Variants in KCNMA1 observed in about 807,000 individuals in gnomAD.
KCNMA1 encodes the protein potassium calcium-activated channel subfamily M alpha 1.
In KCNMA1, 29 loss-of-function variants were observed where a neutral mutation model predicts 140.0. The observed-to-expected ratio is 0.21, with a 90% CI of 0.15 to 0.28. The LOEUF (loss-of-function observed/expected upper bound fraction) is 0.28. Ranked by LOEUF, KCNMA1 falls within the 10% of genes least tolerant of loss-of-function variation. KCNMA1 has a pLI of 1.00. For synonymous variants in KCNMA1, 612 were observed against 611.9 expected (o/e 1.00, Z 0.00); for missense variants, 880 against 1,602.2 (o/e 0.55, Z 7.70).
At position 77,106,571 on chromosome 10, in the gene KCNMA1, G is replaced by A. The variant is rs368879032; in HGVS notation, c.1223+1910C>T. Among the ~76,000 whole-genome samples the A allele has an allele frequency of 3.3e-5, 5 of 152,012 alleles. No homozygotes were observed. The East Asian group carries it at 9.7e-4, about 29-fold the overall frequency. On this transcript the variant is annotated intron_variant, in intron 9 of 27. Transcript: ENST00000286628. The stretch of plus-strand genomic sequence containing the variant: ...AAAAATCACCTGGAATGAAAGTCAA[G>A]AAATATTTTCAACTTAGCCTTCAGG...
At chr10:77,531,679 C>T (rs2057666292) in intron 1 of KCNMA1, among the ~76,000 whole-genome samples, 1 of 152,228 alleles carries the variant, frequency 6.6e-6, no homozygotes, top group Non-Finnish European at 1.5e-5. Flanking sequence ...CACAGAAACA[C>T]CCGGCCCTTC....
chr10:76,953,250 T>A (rs544827381), intron 21 of KCNMA1, among the ~76,000 whole-genome samples: 121 of 152,358 alleles, frequency 7.9e-4, no homozygotes, highest in African/African-American at 2.9e-3. Flanking sequence ...AAGGCTATTA[T>A]CTATAAGAAT....
At chr10:76,887,840 G>A in intron 27 of KCNMA1, 1 of 365,074 alleles carries the variant, frequency 2.7e-6, no homozygotes, top group Non-Finnish European at 5.2e-6. Context: ...CCAACCGCAA[G>A]AGGTTTCATG....
At chr10:77,259,431 CATGTAAATCGG>C (rs892935508) in intron 2 of KCNMA1, among the ~76,000 whole-genome samples, 5 of 151,030 alleles carry the variant, frequency 3.3e-5, no homozygotes, top group Admixed American at 2.6e-4. Context: ...TTAGGACACA[CATGTAAATCGG>C]AGAGAATCCC....
rs2154201000 is a variant in KCNMA1, at chr10:77,229,870, T to C, written c.602+21325A>G. Among the ~76,000 whole-genome samples the C allele has an allele frequency of 2.6e-5, 4 of 152,290 alleles. No homozygotes were observed. In the South Asian group the frequency reaches 8.3e-4, roughly 32 times the overall value. Reference sequence around the variant, plus strand: ...TGGAAATGTAAAATGGTACAGCCATTGTGGAAAATAGTTTAGTGATTCATC... The same window carrying C: ...TGGAAATGTAAAATGGTACAGCCATCGTGGAAAATAGTTTAGTGATTCATC... On this transcript the variant is annotated intron_variant, in intron 3 of 27. Coordinates refer to ENST00000286628, the MANE Select transcript of KCNMA1 (RefSeq NM_001161352.2).
chr10:77,418,603 G>A (rs907989022), intron 1 of KCNMA1, among the ~76,000 whole-genome samples: 2 of 152,138 alleles, frequency 1.3e-5, no homozygotes, highest in Non-Finnish European at 2.9e-5. Context: ...ACCTCAGTGA[G>A]GAGGATACCC....
At position 77,313,189 on chromosome 10, in the gene KCNMA1, A is replaced by G. The variant is rs2079810091; in HGVS notation, c.541-61933T>C. Among the ~76,000 whole-genome samples, 3 of 152,156 alleles carry G rather than the reference A, an allele frequency of 2.0e-5. 1 individual carries two copies. The highest frequency in any genetic ancestry group is 2.0e-4 in the Admixed American group (3 of 15,278). The stretch of plus-strand genomic sequence containing the variant: ...AGTTCATTTCTGTGCTTGAATCAGG[A>G]GCTTCCTTAAACGCTAGCATAAAGC... On this transcript the variant is annotated intron_variant, in intron 2 of 27. Transcript: ENST00000286628.
intron 2 of KCNMA1, among the ~76,000 whole-genome samples, chr10:77,323,602 C>A (rs982459565): frequency 1.3e-5 from 2 of 152,180 alleles, no homozygotes; most frequent in Non-Finnish European, 2.9e-5. Flanking sequence ...TCACCACATA[C>A]CTATTGAGCT....
chr10:77,589,837 A>G (rs1567731175), intron 1 of KCNMA1, among the ~76,000 whole-genome samples: 1 of 152,090 alleles, frequency 6.6e-6, no homozygotes, highest in South Asian at 2.1e-4. Context: ...GGAAAGAACA[A>G]AGCTTCCACA....
chr10:76,930,740 G>A (rs2059060744), intron 23 of KCNMA1, among the ~76,000 whole-genome samples: 1 of 151,964 alleles, frequency 6.6e-6, no homozygotes, highest in South Asian at 2.1e-4. Context: ...TGACAGATGA[G>A]TAGATAAAGA....
intron 18 of KCNMA1, among the ~76,000 whole-genome samples, chr10:77,002,165 T>C: frequency 6.6e-6 from 1 of 152,200 alleles, no homozygotes; most frequent in East Asian, 1.9e-4. Flanking sequence ...TTGCTGAACT[T>C]CCCGAGAGTG....
At chr10:77,086,903 C>T (rs982024997) in intron 10 of KCNMA1, among the ~76,000 whole-genome samples, 2 of 152,200 alleles carry the variant, frequency 1.3e-5, no homozygotes, top group Admixed American at 6.5e-5. Flanking sequence ...AGCTGGGCTG[C>T]GCCACTAGTG....
chr10:77,261,641 G>A (rs2062028436), intron 2 of KCNMA1, among the ~76,000 whole-genome samples: 1 of 152,158 alleles, frequency 6.6e-6, no homozygotes, highest in South Asian at 2.1e-4. Context: ...CCTAAAACCT[G>A]TGTCCTTCCT....
At chr10:76,894,642 C>A (rs1371597537) in intron 25 of KCNMA1, among the ~76,000 whole-genome samples, 1 of 152,048 alleles carries the variant, frequency 6.6e-6, no homozygotes. Context: ...AAAAAGACAA[C>A]CCAATTTTTT....
At chr10:77,347,129 T>C (rs372505706) in intron 2 of KCNMA1, among the ~76,000 whole-genome samples, 86 of 152,274 alleles carry the variant, frequency 5.6e-4, no homozygotes, top group African/African-American at 2.0e-3. Flanking sequence ...TATCCTGATG[T>C]GTTGTGAGGA....
intron 23 of KCNMA1, among the ~76,000 whole-genome samples, chr10:76,918,981 A>G (rs1026773341): frequency 6.6e-5 from 10 of 152,104 alleles, no homozygotes; most frequent in African/African-American, 2.4e-4. Flanking sequence ...ACAGCCATAC[A>G]AAGGAATTAA....
intron 2 of KCNMA1, among the ~76,000 whole-genome samples, chr10:77,320,571 C>T (rs2154354218): frequency 6.6e-6 from 1 of 152,234 alleles, no homozygotes; most frequent in Middle Eastern, 3.4e-3. Context: ...TCCACTCCTG[C>T]CCTCCTTTCA....
chr10:77,506,441 C>T (rs556886692), intron 1 of KCNMA1, among the ~76,000 whole-genome samples: 1 of 152,206 alleles, frequency 6.6e-6, no homozygotes, highest in Non-Finnish European at 1.5e-5. Context: ...ACCAAGAACA[C>T]AGTCAGAGTT....
chr10:77,273,127 A>G (rs934799780), intron 2 of KCNMA1, among the ~76,000 whole-genome samples: 1 of 152,224 alleles, frequency 6.6e-6, no homozygotes, highest in Non-Finnish European at 1.5e-5. Flanking sequence ...TCTATAAGGT[A>G]GCTGTAAATA....
Sources: allele counts gnomAD v4.1 joint callset (sites outside exome capture counted in the v4.1 genomes callset), GRCh38; gene constraint gnomAD v4.1.1; transcripts MANE v1.5; gene names NCBI Gene and HGNC (gene_info 2026-07-23, HGNC 2026-07-21).